Variants in NTM observed in about 807,000 individuals in gnomAD.
NTM encodes neurotrimin, also known as IgLON family member 2.
A neutral mutation model predicts 42.1 loss-of-function variants in NTM; 13 were observed. The observed-to-expected ratio is 0.31, with a 90% CI of 0.20 to 0.49. The LOEUF is 0.49. NTM is among the 20% of genes least tolerant of loss of function. NTM has a pLI of 0.99. For synonymous variants in NTM, 187 were observed against 179.2 expected, an observed-to-expected ratio of 1.04 and a Z score of -0.35; for missense variants, 373 against 452.8, an observed-to-expected ratio of 0.82 and a Z score of 1.60.
chr11:131,598,936 CA>C (rs1243340282), intron 1 of NTM, among the ~76,000 whole-genome samples: 1 of 141,608 alleles, frequency 7.1e-6, no homozygotes, highest in Non-Finnish European at 1.5e-5. Context: ...TCCTTTCAGA[CA>C]GAGTCTCGCT....
intron 1 of NTM, among the ~76,000 whole-genome samples, chr11:131,602,036 G>A (rs571913201): frequency 1.3e-5 from 2 of 152,190 alleles, no homozygotes; most frequent in Non-Finnish European, 2.9e-5. Flanking sequence ...TATGAATTAG[G>A]TTTAAAAAGA....
intron 1 of NTM, among the ~76,000 whole-genome samples, chr11:131,490,846 G>A (rs2136293124): frequency 6.6e-6 from 1 of 152,290 alleles, no homozygotes; most frequent in Admixed American, 6.5e-5. Flanking sequence ...ATTTGAGTTG[G>A]GATGCCTTGA....
chr11:131,415,087 T>C (rs1424713939), intron 1 of NTM, among the ~76,000 whole-genome samples: 1 of 152,142 alleles, frequency 6.6e-6, no homozygotes, highest in Non-Finnish European at 1.5e-5. Flanking sequence ...GTGAATCCAA[T>C]AGCAGGCCAT....
intron 2 of NTM, among the ~76,000 whole-genome samples, chr11:131,991,766 A>G (rs1393650326): frequency 6.6e-6 from 1 of 152,196 alleles, no homozygotes; most frequent in Non-Finnish European, 1.5e-5. Context: ...GGGGGAATGC[A>G]TTCTGGACAT....
At chr11:131,649,250 T>G (rs2066163898) in intron 1 of NTM, among the ~76,000 whole-genome samples, 1 of 152,220 alleles carries the variant, frequency 6.6e-6, no homozygotes, top group Non-Finnish European at 1.5e-5. Flanking sequence ...AACAGGGGAT[T>G]TACTTACATC....
In NTM at chr11:132,327,311, G is replaced by T. The variant is rs3781630; in HGVS notation, c.935-2842G>T. Among the ~76,000 whole-genome samples the T allele has an allele frequency of 9.2e-5, 14 of 152,296 alleles. No homozygotes were observed. The East Asian group carries it at 2.1e-3, about 23-fold the overall frequency. On this transcript the variant is annotated intron_variant, in intron 7 of 8. Transcript: ENST00000683400. ...TTGATGGTATCAGTGGGCTGGTAAA[G>T]GTTGACTGATTAATGTCTGTAAACC...
At chr11:131,580,205 A>T (rs1831243819) in intron 1 of NTM, among the ~76,000 whole-genome samples, 1 of 152,176 alleles carries the variant, frequency 6.6e-6, no homozygotes, top group African/African-American at 2.4e-5. Flanking sequence ...ATATTTATAA[A>T]CATCCCCAAT....
At chr11:131,756,384 G>T (rs1039748137) in intron 1 of NTM, among the ~76,000 whole-genome samples, 1 of 152,192 alleles carries the variant, frequency 6.6e-6, no homozygotes, top group African/African-American at 2.4e-5. Flanking sequence ...GGGAGTTCAA[G>T]ACCAGCCTGG....
intron 2 of NTM, among the ~76,000 whole-genome samples, chr11:132,056,329 A>G (rs146865908): frequency 2.4e-4 from 37 of 152,292 alleles, no homozygotes; most frequent in African/African-American, 8.7e-4. Flanking sequence ...GTCATCCCCT[A>G]TCCCCAAAAT....
At chr11:132,149,364 TA>T (rs1410069942) in intron 3 of NTM, among the ~76,000 whole-genome samples, 1 of 152,044 alleles carries the variant, frequency 6.6e-6, no homozygotes, top group African/African-American at 2.4e-5. Context: ...GCTTCTGGAA[TA>T]AAAGTTGGGC....
intron 1 of NTM, among the ~76,000 whole-genome samples, chr11:131,799,511 G>A (rs2091925716): frequency 6.6e-6 from 1 of 152,166 alleles, no homozygotes; most frequent in African/African-American, 2.4e-5. Flanking sequence ...GTCTGGGTTG[G>A]AAAAGAGGGG....
intron 1 of NTM, chr11:131,671,716 C>T (rs1007048633): frequency 2.2e-5 from 13 of 598,134 alleles, no homozygotes; most frequent in South Asian, 7.3e-5. Context: ...AGTGACAAAG[C>T]GCCCATCGAC....
At chr11:131,784,758 G>A (rs772626242) in intron 1 of NTM, among the ~76,000 whole-genome samples, 16 of 152,106 alleles carry the variant, frequency 1.1e-4, no homozygotes, top group Non-Finnish European at 1.5e-4. Flanking sequence ...ATTTTATCAC[G>A]TGCAAAATAC....
chr11:131,621,346 T>G (rs1470868209), intron 1 of NTM, among the ~76,000 whole-genome samples: 3 of 152,050 alleles, frequency 2.0e-5, no homozygotes, highest in African/African-American at 7.2e-5. Flanking sequence ...TTTTGCCAAG[T>G]GGTCAGGAGA....
intron 3 of NTM, among the ~76,000 whole-genome samples, chr11:132,171,325 A>G (rs528019129): frequency 6.6e-6 from 1 of 152,318 alleles, no homozygotes; most frequent in Admixed American, 6.5e-5. Context: ...TGGGTTGCTT[A>G]TTAAGAACAG....
intron 1 of NTM, among the ~76,000 whole-genome samples, chr11:131,392,463 G>A (rs529858832): frequency 2.0e-5 from 3 of 152,362 alleles, no homozygotes; most frequent in African/African-American, 7.2e-5. Flanking sequence ...GGATGGGGTT[G>A]GGCTTCATAG....
chr11:132,001,618 A>G (rs1315035411), intron 2 of NTM, among the ~76,000 whole-genome samples: 3 of 152,130 alleles, frequency 2.0e-5, no homozygotes, highest in Non-Finnish European at 4.4e-5. Context: ...TACCCCAACA[A>G]CAGATCTCAT....
At chr11:131,483,865 C>G (rs771557668) in intron 1 of NTM, among the ~76,000 whole-genome samples, 1 of 152,278 alleles carries the variant, frequency 6.6e-6, no homozygotes, top group Non-Finnish European at 1.5e-5. Flanking sequence ...ACAAGGAAGA[C>G]TTCTGCCTGG....
intron 2 of NTM, among the ~76,000 whole-genome samples, chr11:132,031,145 C>T (rs2075865014): frequency 6.6e-6 from 1 of 152,190 alleles, no homozygotes; most frequent in Non-Finnish European, 1.5e-5. Context: ...AAAGTATACC[C>T]TGCCAACAGT....
Sources: gnomAD v4.1 joint callset for allele counts (sites outside exome capture counted in the v4.1 genomes callset) on GRCh38, gnomAD v4.1.1 for gene constraint, MANE v1.5 for transcripts, NCBI Gene and HGNC (gene_info 2026-07-23, HGNC 2026-07-21) for gene names.